Variants in CHMP3 observed in about 807,000 individuals in gnomAD.
CHMP3 encodes the protein charged multivesicular body protein 3.
In CHMP3, 8 loss-of-function variants were observed where a neutral mutation model predicts 27.4. That is an observed-to-expected ratio of 0.29 (90% CI 0.17 to 0.53). The LOEUF (loss-of-function observed/expected upper bound fraction) is 0.53. Among genes scored for constraint, CHMP3 ranks in the 20% least tolerant of loss-of-function variants. The probability of loss-of-function intolerance (pLI) is 0.96; values close to 1 mark genes in which losing one functional copy is unlikely to be tolerated. For synonymous variants in CHMP3, 86 were observed against 85.5 expected (o/e 1.01, Z -0.03); for missense variants, 208 against 271.5 (o/e 0.77, Z 1.64).
Position 86,563,319 on chromosome 2 carries a change from C to A in CHMP3, c.30G>T (p.Lys10Asn). MGLFGKTQE[K>N]PPKELVNEWS... ...TAGCCCTTACCAGTTCTTTGGGCGG[C>A]TTCTCCTGGGTCTTTCCAAACAGCC... The change falls in exon 1 of 6, where the codon AAG becomes AAT. Residue 10 changes from lysine (K) to asparagine (N), a missense_variant. Transcript: ENST00000263856. 6.2e-7 allele frequency: 1 copy of A among 1,614,146 alleles called. No individual in the cohort carries two copies. The highest frequency in any genetic ancestry group is 8.5e-7 in the Non-Finnish European group (1 of 1,179,974).
rs374551986 is a variant in CHMP3, at chr2:86,510,270, C to T, written c.408+88G>A. 30 of 1,215,064 alleles carry T rather than the reference C, an allele frequency of 2.5e-5. No individual in the cohort carries two copies. The African/African-American group carries it at 3.7e-4, about 15-fold the overall frequency. 75.3% of individuals were successfully genotyped at this position (1,215,064 alleles called of 1,614,324 possible). A position where few individuals can be genotyped will look rare whatever the true frequency, so the allele number is the denominator to read the frequency against. On this transcript the variant is annotated intron_variant, in intron 4 of 5. Transcript: ENST00000263856. The stretch of plus-strand genomic sequence containing the variant: ...TGTCTAGCAGGTGTAGTCTGTTCAT[C>T]CCCACCCACCCTCATCCCTAGCCCC...
intron 1 of CHMP3, 84 bp downstream of exon 1, chr2:86,563,220 G>T (rs964828837): frequency 1.3e-6 from 2 of 1,508,360 alleles, no homozygotes; most frequent in African/African-American, 1.4e-5. Context: ...GCAGGCGGTG[G>T]GGAGAAGAGT....
chr2:86,546,265 G>A (rs918579631), intron 1 of CHMP3, among the ~76,000 whole-genome samples: 9 of 151,524 alleles, frequency 5.9e-5, no homozygotes, highest in Non-Finnish European at 1.2e-4. Context: ...TCGGCAGGCC[G>A]GAGGCAGGAG....
At chr2:86,514,384 T>A (rs919952352) in intron 3 of CHMP3, among the ~76,000 whole-genome samples, 1 of 152,204 alleles carries the variant, frequency 6.6e-6, no homozygotes, top group African/African-American at 2.4e-5. Flanking sequence ...AATTCTAAAG[T>A]CTGAACAAAA....
intron 1 of CHMP3, among the ~76,000 whole-genome samples, chr2:86,556,938 A>C (rs1333418903): frequency 6.6e-6 from 1 of 152,196 alleles, no homozygotes; most frequent in Non-Finnish European, 1.5e-5. Flanking sequence ...CAAGTACCTG[A>C]CGAGCTCTTT....
intron 2 of CHMP3, chr2:86,541,015 T>C (rs1314439327): frequency 2.0e-5 from 3 of 152,180 alleles, no homozygotes; most frequent in African/African-American, 7.2e-5. Context: ...ATCTTTACTT[T>C]GGCAGGCAGT....
At chr2:86,549,162 C>T (rs1164967063) in intron 1 of CHMP3, among the ~76,000 whole-genome samples, 1 of 140,548 alleles carries the variant, frequency 7.1e-6, no homozygotes, top group Non-Finnish European at 1.5e-5. Flanking sequence ...GGCGGCCGGG[C>T]AGAGGCGCCC....
At chr2:86,548,791 C>T (rs1048876533) in intron 1 of CHMP3, among the ~76,000 whole-genome samples, 1 of 151,630 alleles carries the variant, frequency 6.6e-6, no homozygotes, top group Non-Finnish European at 1.5e-5. Context: ...CAGAGGTGCT[C>T]CTCACCTCCC....
intron 1 of CHMP3, among the ~76,000 whole-genome samples, chr2:86,557,290 A>G (rs1156313202): frequency 6.6e-6 from 1 of 152,192 alleles, no homozygotes; most frequent in African/African-American, 2.4e-5. Flanking sequence ...CACTCATCCC[A>G]CATGCAGTAG....
At chr2:86,532,007 T>C (rs1675942207) in intron 2 of CHMP3, among the ~76,000 whole-genome samples, 1 of 152,228 alleles carries the variant, frequency 6.6e-6, no homozygotes, top group Admixed American at 6.5e-5. Flanking sequence ...GGGATTTTGA[T>C]AAGGATTGCA....
At chr2:86,522,451 C>T (rs1463132937) in intron 3 of CHMP3, among the ~76,000 whole-genome samples, 1 of 152,198 alleles carries the variant, frequency 6.6e-6, no homozygotes, top group Non-Finnish European at 1.5e-5. Context: ...TCCTTCCTGT[C>T]AGCAAAAGCT....
In CHMP3 at chr2:86,505,804, C is replaced by G; in HGVS notation, c.669G>C (p.Ter223TyrextTer28). Residue 223 changes from the stop codon to tyrosine, a stop_lost, in exon 6 of 6, where the codon TAG becomes TAC. Coordinates refer to ENST00000263856, the MANE Select transcript of CHMP3 (RefSeq NM_016079.4). ...GCACACCCAGCGGGGTAGGCAGCCC[C>G]TAGCTGCGGAGTGTGGCCAGCCGGG... is the stretch of plus-strand genomic sequence containing the variant. ...MQSRLATLRS[*>Y] The G allele has an allele frequency of 6.3e-7, 1 of 1,578,846 alleles. No homozygotes were observed. Among genetic ancestry groups the G allele is most frequent in the Non-Finnish European group, 8.6e-7 (1 of 1,161,874 alleles).
At chr2:86,533,766 A>C in intron 2 of CHMP3, among the ~76,000 whole-genome samples, 1 of 14,764 alleles carries the variant, frequency 6.8e-5, no homozygotes, top group East Asian at 2.0e-3. Context: ...TGGCCTCCCA[A>C]AGTGTTGGGA....
intron 1 of CHMP3, among the ~76,000 whole-genome samples, chr2:86,548,260 A>G (rs890289053): frequency 3.4e-5 from 5 of 147,436 alleles, no homozygotes; most frequent in Admixed American, 6.9e-5. Flanking sequence ...GGGTCATAGG[A>G]TAATAGTGGA....
At chr2:86,537,709 A>C (rs1676203446) in intron 2 of CHMP3, among the ~76,000 whole-genome samples, 1 of 152,120 alleles carries the variant, frequency 6.6e-6, no homozygotes, top group African/African-American at 2.4e-5. Context: ...GTATAAACTC[A>C]AGGTCTTCTG....
intron 3 of CHMP3, among the ~76,000 whole-genome samples, chr2:86,526,404 A>G (rs561539571): frequency 3.9e-5 from 6 of 152,294 alleles, no homozygotes; most frequent in Admixed American, 1.3e-4. Flanking sequence ...AAAGGTATGG[A>G]AAAAAAGAAC....
Position 86,563,414 on chromosome 2 carries a change from G to T in CHMP3, c.-66C>A. Reference sequence around the variant, plus strand: ...CCCGCGCCCAGGCAGGTCACGGGCAGCCGCCTGGGCGGGGCCCGCGGAAAA... The same window carrying T: ...CCCGCGCCCAGGCAGGTCACGGGCATCCGCCTGGGCGGGGCCCGCGGAAAA... On this transcript the variant is annotated 5_prime_UTR_variant, in exon 1 of 6. In the 5' UTR this introduces an upstream ATG that the reference lacks. Coordinates refer to ENST00000263856, the MANE Select transcript of CHMP3 (RefSeq NM_016079.4). 1 of 1,575,212 alleles carries T rather than the reference G, an allele frequency of 6.3e-7. No homozygotes were observed.
At chr2:86,542,567 C>T (rs966257810) in intron 1 of CHMP3, among the ~76,000 whole-genome samples, 2 of 152,078 alleles carry the variant, frequency 1.3e-5, no homozygotes, top group East Asian at 1.9e-4. Context: ...TATAAAACCT[C>T]GGAAAGAGTA....
intron 2 of CHMP3, among the ~76,000 whole-genome samples, chr2:86,531,857 G>A (rs1675936866): frequency 6.6e-6 from 1 of 152,086 alleles, no homozygotes; most frequent in Admixed American, 6.5e-5. Context: ...TTTTATCTCT[G>A]TAGCTTTGTG....
Sources: allele counts gnomAD v4.1 joint callset (sites outside exome capture counted in the v4.1 genomes callset), GRCh38; gene constraint gnomAD v4.1.1; transcripts MANE v1.5; gene names NCBI Gene and HGNC (gene_info 2026-07-23, HGNC 2026-07-21).